The following DYSF variants were observed in gnomAD, a reference collection of about 807,000 sequenced individuals.
DYSF encodes the protein dysferlin.
Under a neutral mutation model 274.9 loss-of-function variants are expected in DYSF, and 212 were observed. The observed-to-expected ratio is 0.77, with a 90% CI of 0.69 to 0.86. DYSF has a LOEUF of 0.86. DYSF is among the 40% of genes least tolerant of loss of function. DYSF has a pLI of 0.00. For synonymous variants in DYSF, 1,091 were observed against 1,078.7 expected, an observed-to-expected ratio of 1.01 and a Z score of -0.22; for missense variants, 2,666 against 2,783.2, an observed-to-expected ratio of 0.96 and a Z score of 0.95.
At chr2:71,618,568 T>TGTGGGGTAGAGTTGTG (rs2093996474) in intron 40 of DYSF, among the ~76,000 whole-genome samples, 3 of 17,546 alleles carry the variant, frequency 1.7e-4, no homozygotes, top group Non-Finnish European at 3.6e-4. Context: ...GAGTGTGTGT[T>TGTGGGGTAGAGTTGTG]TGTGTGGGGT....
At chr2:71,672,050 C>T (rs3791833) in intron 51 of DYSF, among the ~76,000 whole-genome samples, 24,586 of 151,892 alleles carry the variant, frequency 0.16, 2,210 homozygotes, top group South Asian at 0.21. Flanking sequence ...GGACGTTCTC[C>T]GTGATGCCAG....
intron 1 of DYSF, among the ~76,000 whole-genome samples, chr2:71,469,771 A>T (rs2152651520): frequency 6.6e-6 from 1 of 152,320 alleles, no homozygotes; most frequent in South Asian, 2.1e-4. Flanking sequence ...TAATTCATTA[A>T]CTAAAACTAC....
chr2:71,481,365 G>A (rs947972232), intron 2 of DYSF, among the ~76,000 whole-genome samples: 10 of 152,236 alleles, frequency 6.6e-5, no homozygotes, highest in African/African-American at 1.9e-4. Context: ...ATGGCTCCCG[G>A]GTGGTCCTTT....
At chr2:71,650,735 C>A (rs1010756556) in intron 42 of DYSF, among the ~76,000 whole-genome samples, 14 of 152,108 alleles carry the variant, frequency 9.2e-5, no homozygotes, top group Admixed American at 8.5e-4. Flanking sequence ...GCCCAAAAGG[C>A]CTCTTCTACC....
intron 3 of DYSF, among the ~76,000 whole-genome samples, chr2:71,489,069 T>A (rs964333032): frequency 2.1e-4 from 32 of 152,316 alleles, no homozygotes; most frequent in African/African-American, 7.7e-4. Flanking sequence ...CAACACTCTG[T>A]GGCCTTGGGC....
intron 22 of DYSF, among the ~76,000 whole-genome samples, chr2:71,559,339 C>A (rs2091563168): frequency 6.6e-6 from 1 of 152,206 alleles, no homozygotes; most frequent in Non-Finnish European, 1.5e-5. Context: ...CTGCCCTCCT[C>A]CTCTTTTCTC....
At position 71,660,617 on chromosome 2, in the gene DYSF, T is replaced by G; in HGVS notation, c.4969T>G (p.Tyr1657Asp). 1 of 1,614,100 alleles carries G rather than the reference T, an allele frequency of 6.2e-7. No homozygotes were observed. The highest frequency in any genetic ancestry group is 8.5e-7 in the Non-Finnish European group (1 of 1,179,960). ...GKKSVSDQDN[Y>D]IPCTLEPVFG... ...GAAATCAGTGAGTGACCAGGATAAC[T>G]ACATCCCCTGCACGCTGGAGCCCGT... Residue 1657 changes from tyrosine (Y) to aspartate (D), a missense_variant, in exon 45 of 56, where the codon TAC becomes GAC. Transcript: ENST00000410020.
rs79604364 is a variant in DYSF, at chr2:71,578,544, G to A, written c.3402+4173G>A. ...AACCCCTAGAATCTGCGTCTTTGAA[G>A]TGTTGGAGGTAGAATAAGAGTCATT... On this transcript the variant is annotated intron_variant, in intron 30 of 55. Coordinates refer to ENST00000410020, the MANE Select transcript of DYSF (RefSeq NM_001130987.2). 3.2e-3 allele frequency among the ~76,000 whole-genome samples: 483 copies of A among 152,320 alleles called. 3 individuals are homozygous for A. Among genetic ancestry groups the A allele is most frequent in the African/African-American group, 0.011 (457 of 41,576 alleles).
chr2:71,606,771 C>A (rs1254137879), intron 36 of DYSF, among the ~76,000 whole-genome samples: 1 of 152,006 alleles, frequency 6.6e-6, no homozygotes, highest in Non-Finnish European at 1.5e-5. Flanking sequence ...TGAATTAGGC[C>A]CTAAAAATGG....
At chr2:71,511,614 C>T (rs969619059) in intron 4 of DYSF, among the ~76,000 whole-genome samples, 193 bp from the exon 5 acceptor site, 4 of 152,326 alleles carry the variant, frequency 2.6e-5, no homozygotes, top group African/African-American at 2.4e-5. Context: ...AACCTGACCC[C>T]GGATTCTGTG....
chr2:71,660,783 T>C, intron 45 of DYSF, 132 bp downstream of exon 45: 1 of 785,610 alleles, frequency 1.3e-6, no homozygotes, highest in South Asian at 1.5e-5. Flanking sequence ...AAATCTTGCA[T>C]GTCTATGGGG....
At chr2:71,667,229 A>G in intron 47 of DYSF, 147 bp from the exon 48 acceptor site, 3 of 1,111,942 alleles carry the variant, frequency 2.7e-6, no homozygotes, top group Non-Finnish European at 4.0e-6. Context: ...GAGGACCAGA[A>G]AAAGTGCATC....
intron 30 of DYSF, among the ~76,000 whole-genome samples, chr2:71,580,134 A>T (rs568470838): frequency 7.9e-5 from 12 of 152,190 alleles, no homozygotes; most frequent in African/African-American, 2.9e-4. Flanking sequence ...CCAGGGTGGG[A>T]GGATTGGATG....
Position 71,667,655 on chromosome 2 carries a change from G to A in DYSF, c.5457+140G>A, listed in dbSNP as rs1219702585. 4 of 1,359,152 alleles carry A rather than the reference G, an allele frequency of 2.9e-6. No homozygotes were observed. In the African/African-American group the frequency reaches 5.8e-5, roughly 20 times the overall value. 84.2% of individuals were successfully genotyped at this position (1,359,152 alleles called of 1,614,324 possible). The stretch of plus-strand genomic sequence containing the variant: ...TCCTTGACCCATTTCTTCACAGTCT[G>A]AGTGCGGCCATGGTTGGCCTGGGAG... On this transcript the variant is annotated intron_variant, in intron 48 of 55. Transcript: ENST00000410020.
At chr2:71,487,971 A>G (rs2083493200) in intron 3 of DYSF, among the ~76,000 whole-genome samples, 1 of 152,248 alleles carries the variant, frequency 6.6e-6, no homozygotes, top group African/African-American at 2.4e-5. Flanking sequence ...AAATTGTTAC[A>G]GAACTGAAAA....
intron 47 of DYSF, 31 bp from the exon 48 acceptor site, chr2:71,667,345 C>T (rs988018244): frequency 1.2e-6 from 2 of 1,613,782 alleles, no homozygotes; most frequent in Non-Finnish European, 1.7e-6. Context: ...TCCCCAGCTC[C>T]TGCAACTTTT....
In DYSF at chr2:71,570,619, A is replaced by T; in HGVS notation, c.3106A>T (p.Ile1036Phe). The T allele has an allele frequency of 6.2e-7, 1 of 1,614,002 alleles. No homozygotes were observed. Among genetic ancestry groups the T allele is most frequent in the Non-Finnish European group, 8.5e-7 (1 of 1,179,958 alleles). ...CCCAGGCTGGGAGTATAGCATCACC[A>T]TCCCCCCGGAGCGGAAGCCGAAGCA... ...DEQGWEYSIT[I>F]PPERKPKHWV... The change falls in exon 29 of 56, where the codon ATC (isoleucine) becomes TTC (phenylalanine). Residue 1036 changes from isoleucine (I) to phenylalanine (F), a missense_variant. Coordinates refer to ENST00000410020, the MANE Select transcript of DYSF (RefSeq NM_001130987.2).
At chr2:71,662,779 GTA>G (rs1183831033) in intron 45 of DYSF, among the ~76,000 whole-genome samples, 2 of 151,144 alleles carry the variant, frequency 1.3e-5, no homozygotes, top group East Asian at 2.0e-4. Flanking sequence ...ATGTGTGTGT[GTA>G]TGTGTGTTTG....
chr2:71,551,552 C>T, intron 18 of DYSF, 55 bp from the exon 19 acceptor site: 3 of 1,492,646 alleles, frequency 2.0e-6, no homozygotes, highest in Non-Finnish European at 1.8e-6. Flanking sequence ...TGCCCCTTTC[C>T]TTCCCCTCCT....
Sources: allele counts gnomAD v4.1 joint callset (sites outside exome capture counted in the v4.1 genomes callset), GRCh38; gene constraint gnomAD v4.1.1; transcripts MANE v1.5; gene names NCBI Gene and HGNC (gene_info 2026-07-23, HGNC 2026-07-21).